PHLPP1: variants seen among roughly 807,000 people sequenced by gnomAD.
PHLPP1 encodes the protein PH domain and leucine rich repeat protein phosphatase 1.
A neutral mutation model predicts 117.2 loss-of-function variants in PHLPP1; 42 were observed. That is an observed-to-expected ratio of 0.36 (90% CI 0.28 to 0.46). The LOEUF (loss-of-function observed/expected upper bound fraction) is 0.46. Among genes scored for constraint, PHLPP1 ranks in the 20% least tolerant of loss-of-function variants. PHLPP1 has a pLI of 1.00. For missense variants in PHLPP1, 2,084 were observed against 2,241.9 expected (o/e 0.93, Z 1.42); for synonymous variants, 1,042 against 970.7 (o/e 1.07, Z -1.37).
At position 62,838,802 on chromosome 18, in the gene PHLPP1, C is replaced by G. The variant is rs1914978788; in HGVS notation, c.1792C>G (p.His598Asp). 1.2e-6 allele frequency: 2 copies of G among 1,613,688 alleles called. No homozygotes were observed. The highest frequency in any genetic ancestry group is 2.2e-5 in the South Asian group (2 of 91,084). ...IGGKVEEVKKHQHCLAFSSSG... is the reference protein window; with the variant it reads ...IGGKVEEVKKDQHCLAFSSSG... ...TTTATAGGTAGAAGAAGTGAAAAAGCACCAACACTGTTTAGCATTTAGCTC... is the reference window on the plus strand; with the variant it reads ...TTTATAGGTAGAAGAAGTGAAAAAGGACCAACACTGTTTAGCATTTAGCTC... The change falls in exon 3 of 17, where the codon CAC (histidine) becomes GAC (aspartate). Residue 598 changes from histidine (H) to aspartate (D), a missense_variant. By Grantham distance (81) the His-to-Asp change is moderately conservative. This residue lies in a region of PHLPP1 where 1,365 missense variants were observed against 1,605.9 expected (regional missense o/e 0.85). Transcript: ENST00000262719.
chr18:62,820,509 T>C (rs1914419714), intron 1 of PHLPP1, among the ~76,000 whole-genome samples: 2 of 152,216 alleles, frequency 1.3e-5, no homozygotes, highest in South Asian at 4.1e-4. Flanking sequence ...ATGGAGGTAA[T>C]TGAATCATGG....
intron 1 of PHLPP1, among the ~76,000 whole-genome samples, chr18:62,829,440 G>A (rs1005147503): frequency 2.6e-5 from 4 of 152,124 alleles, no homozygotes; most frequent in African/African-American, 9.7e-5. Flanking sequence ...AAATTAACTT[G>A]TGAAAGATAG....
chr18:62,895,154 A>G lies in PHLPP1; in HGVS notation c.2210A>G (p.His737Arg), dbSNP rs1384794581. 3 of 1,613,378 alleles carry G rather than the reference A, an allele frequency of 1.9e-6. No individual in the cohort carries two copies. Among genetic ancestry groups the G allele is most frequent in the Non-Finnish European group, 1.7e-6 (2 of 1,179,690 alleles). ...GTCCCGGCAGCCGTTGGAGTGATGC[A>G]CAAGTGTGTACTTCAAACCCCACTG... The part of the protein sequence containing the change: ...RSVPAAVGVM[H>R]NLQTFLLDGN... Residue 737 changes from histidine to arginine, a missense_variant, in exon 5 of 17, where the codon CAC (histidine) becomes CGC (arginine). His to Arg is a conservative substitution (Grantham distance 29). This residue lies in a region of PHLPP1 where 1,365 missense variants were observed against 1,605.9 expected (regional missense o/e 0.85). Transcript: ENST00000262719.
At chr18:62,807,128 A>G (rs908680644) in intron 1 of PHLPP1, among the ~76,000 whole-genome samples, 2 of 151,956 alleles carry the variant, frequency 1.3e-5, no homozygotes, top group East Asian at 1.9e-4. Flanking sequence ...GATTATTTCA[A>G]TCTTTGGGAT....
At chr18:62,926,326 A>G (rs1909626877) in intron 10 of PHLPP1, among the ~76,000 whole-genome samples, 1 of 152,136 alleles carries the variant, frequency 6.6e-6, no homozygotes, top group Non-Finnish European at 1.5e-5. Context: ...GGCAAACTCC[A>G]TTTTTCTTAA....
At chr18:62,804,063 C>T (rs1913864606) in intron 1 of PHLPP1, among the ~76,000 whole-genome samples, 1 of 152,136 alleles carries the variant, frequency 6.6e-6, no homozygotes, top group African/African-American at 2.4e-5. Flanking sequence ...AATTGACTCA[C>T]AGTTCCAAAT....
At chr18:62,896,061 C>G (rs757812026) in intron 6 of PHLPP1, 50 bp downstream of exon 6, 13 of 1,153,902 alleles carry the variant, frequency 1.1e-5, no homozygotes, top group East Asian at 2.4e-5. Context: ...GCTTATATTG[C>G]AGGGGTGGGG....
intron 1 of PHLPP1, among the ~76,000 whole-genome samples, chr18:62,821,914 A>C (rs1914469930): frequency 6.6e-6 from 1 of 151,924 alleles, no homozygotes; most frequent in Non-Finnish European, 1.5e-5. Flanking sequence ...GCATGCCACT[A>C]TGCCCATCTC....
At chr18:62,742,486 G>A (rs1911557570) in intron 1 of PHLPP1, among the ~76,000 whole-genome samples, 2 of 151,910 alleles carry the variant, frequency 1.3e-5, no homozygotes, top group Non-Finnish European at 2.9e-5. Context: ...CAGGCTGGGC[G>A]CCTGAGTGGC....
intron 13 of PHLPP1, among the ~76,000 whole-genome samples, chr18:62,960,714 A>G (rs1448119824): frequency 2.0e-5 from 3 of 152,228 alleles, no homozygotes; most frequent in African/African-American, 4.8e-5. Flanking sequence ...CTGAAGGAGT[A>G]TAATTTGGTA....
intron 3 of PHLPP1, among the ~76,000 whole-genome samples, chr18:62,856,918 C>T (rs1314241414): frequency 2.0e-5 from 3 of 151,738 alleles, no homozygotes; most frequent in African/African-American, 4.8e-5. Context: ...GTCTTGACCC[C>T]CTTTCTCAAG....
chr18:62,749,637 C>T (rs1041368527), intron 1 of PHLPP1, among the ~76,000 whole-genome samples: 1 of 152,194 alleles, frequency 6.6e-6, no homozygotes, highest in African/African-American at 2.4e-5. Context: ...TGCAGATGGC[C>T]ACCTTCTCCC....
chr18:62,866,730 C>T (rs1915779946), intron 4 of PHLPP1, among the ~76,000 whole-genome samples: 1 of 152,292 alleles, frequency 6.6e-6, no homozygotes, highest in South Asian at 2.1e-4. Context: ...ATATTTTGGG[C>T]ATGACCCACT....
intron 1 of PHLPP1, among the ~76,000 whole-genome samples, chr18:62,725,917 T>C (rs895409251): frequency 6.6e-6 from 1 of 152,180 alleles, no homozygotes; most frequent in Non-Finnish European, 1.5e-5. Context: ...TAAAAATATA[T>C]TGCATCTGTC....
intron 10 of PHLPP1, among the ~76,000 whole-genome samples, chr18:62,939,951 G>A (rs1910080728): frequency 6.6e-6 from 1 of 151,662 alleles, no homozygotes; most frequent in South Asian, 2.1e-4. Context: ...AATGGTGAAA[G>A]TTTCAAACCA....
At chr18:62,812,513 T>C (rs1914154642) in intron 1 of PHLPP1, among the ~76,000 whole-genome samples, 1 of 152,184 alleles carries the variant, frequency 6.6e-6, no homozygotes, top group Non-Finnish European at 1.5e-5. Flanking sequence ...TACTGGACCT[T>C]AGACATTCCA....
intron 4 of PHLPP1, among the ~76,000 whole-genome samples, chr18:62,868,218 TAC>T (rs1268836976): frequency 2.0e-5 from 3 of 152,196 alleles, no homozygotes; most frequent in African/African-American, 7.2e-5. Flanking sequence ...CTTAAGTAAT[TAC>T]AAAGAATTAA....
At chr18:62,938,994 C>T (rs866798309) in intron 10 of PHLPP1, among the ~76,000 whole-genome samples, 62 of 128,616 alleles carry the variant, frequency 4.8e-4, no homozygotes, top group South Asian at 7.4e-4. Flanking sequence ...TTCTTTCTTT[C>T]TTTTTTTTTT....
At chr18:62,976,230 A>G (rs1048719621) in intron 16 of PHLPP1, among the ~76,000 whole-genome samples, 2 of 152,116 alleles carry the variant, frequency 1.3e-5, no homozygotes, top group Admixed American at 6.5e-5. Context: ...GGAGAGTGCA[A>G]TTGACATGCA....
Sources: gnomAD v4.1 joint callset for allele counts (sites outside exome capture counted in the v4.1 genomes callset) on GRCh38, gnomAD v4.1.1 for gene constraint, gnomAD v4.1.1 regional missense constraint, MANE v1.5 for transcripts, NCBI Gene and HGNC (gene_info 2026-07-23, HGNC 2026-07-21) for gene names.